Variants in AGBL4 observed in about 807,000 individuals in gnomAD.
The protein encoded by AGBL4 is cytosolic carboxypeptidase 6.
AGBL4 carries 58 observed loss-of-function variants against 66.4 expected under a neutral mutation model. The observed-to-expected ratio is 0.87, with a 90% CI of 0.71 to 1.09. The LOEUF is 1.09. Among genes scored for constraint, AGBL4 ranks in the 50% least tolerant of loss-of-function variants. The pLI, the probability that AGBL4 is intolerant of heterozygous loss-of-function variation, is 0.00. For missense variants in AGBL4, 579 were observed against 631.0 expected, an observed-to-expected ratio of 0.92 and a Z score of 0.88; for synonymous variants, 234 against 222.9, an observed-to-expected ratio of 1.05 and a Z score of -0.44.
At chr1:49,700,619 G>A (rs1011346600) in intron 2 of AGBL4, among the ~76,000 whole-genome samples, 1 of 151,938 alleles carries the variant, frequency 6.6e-6, no homozygotes, top group African/African-American at 2.4e-5. Flanking sequence ...CGTCCATAAA[G>A]CAAGTCCCAA....
chr1:49,003,181 T>C (rs1661521362), intron 5 of AGBL4, among the ~76,000 whole-genome samples: 1 of 152,184 alleles, frequency 6.6e-6, no homozygotes, highest in Admixed American at 6.5e-5. Flanking sequence ...GTGGATCGCC[T>C]GACGTCAAGG....
intron 4 of AGBL4, among the ~76,000 whole-genome samples, chr1:49,056,772 G>T (rs555348634): frequency 6.6e-6 from 1 of 152,194 alleles, no homozygotes; most frequent in East Asian, 1.9e-4. Context: ...AGCTGTGGAG[G>T]GGGTAAAAAG....
At chr1:49,675,382 C>T (rs1646559546) in intron 3 of AGBL4, among the ~76,000 whole-genome samples, 1 of 151,756 alleles carries the variant, frequency 6.6e-6, no homozygotes, top group Non-Finnish European at 1.5e-5. Flanking sequence ...TACACATGAA[C>T]ATACAGAGGG....
chr1:49,072,338 C>T (rs565296016), intron 4 of AGBL4, among the ~76,000 whole-genome samples: 9 of 152,122 alleles, frequency 5.9e-5, no homozygotes, highest in Admixed American at 3.3e-4. Flanking sequence ...TTCATAGCAT[C>T]GATGGTCTTT....
At chr1:49,818,645 C>T (rs925837276) in intron 2 of AGBL4, among the ~76,000 whole-genome samples, 2 of 151,948 alleles carry the variant, frequency 1.3e-5, no homozygotes, top group Admixed American at 1.3e-4. Flanking sequence ...GCGATAATCA[C>T]ATTACTCAGG....
At chr1:49,810,310 G>A (rs892936020) in intron 2 of AGBL4, among the ~76,000 whole-genome samples, 1 of 152,024 alleles carries the variant, frequency 6.6e-6, no homozygotes, top group African/African-American at 2.4e-5. Flanking sequence ...AAAAAGAGGA[G>A]TAAGAAATAA....
At chr1:48,689,474 T>C (rs551196325) in intron 6 of AGBL4, among the ~76,000 whole-genome samples, 1 of 144,946 alleles carries the variant, frequency 6.9e-6, no homozygotes, top group East Asian at 2.3e-4. Flanking sequence ...CCTTCCTTCT[T>C]TCCTCCCTTC....
At chr1:49,487,235 G>C (rs2148736439) in intron 3 of AGBL4, among the ~76,000 whole-genome samples, 1 of 152,008 alleles carries the variant, frequency 6.6e-6, no homozygotes, top group Admixed American at 6.6e-5. Flanking sequence ...TAAGTAACAT[G>C]CAACAGCTAA....
Position 49,511,373 on chromosome 1 carries a change from C to A in AGBL4, c.282+185940G>T, listed in dbSNP as rs570969843. 5.5e-5 allele frequency among the ~76,000 whole-genome samples: 8 copies of A among 146,500 alleles called. No individual in the cohort carries two copies. The East Asian group carries it at 1.4e-3, about 26-fold the overall frequency. Reference sequence around the variant, plus strand: ...CGCAAGAACAAAAAACCAAACACTACATATTCTCACTCATAGGTGGGAATT... The same window carrying A: ...CGCAAGAACAAAAAACCAAACACTAAATATTCTCACTCATAGGTGGGAATT... On this transcript the variant is annotated intron_variant, in intron 3 of 13. Transcript: ENST00000371839.
chr1:49,090,377 A>G (rs1644981525), intron 4 of AGBL4, among the ~76,000 whole-genome samples: 1 of 152,218 alleles, frequency 6.6e-6, no homozygotes, highest in South Asian at 2.1e-4. Flanking sequence ...CTGACAAACA[A>G]CTTTAGCAAA....
intron 3 of AGBL4, among the ~76,000 whole-genome samples, chr1:49,493,354 G>A (rs1275235585): frequency 1.3e-5 from 2 of 151,866 alleles, no homozygotes; most frequent in East Asian, 3.9e-4. Context: ...TAAGCAACAG[G>A]CTTTATACTA....
At chr1:49,571,397 A>G (rs1049501921) in intron 3 of AGBL4, among the ~76,000 whole-genome samples, 1 of 152,020 alleles carries the variant, frequency 6.6e-6, no homozygotes, top group Non-Finnish European at 1.5e-5. Flanking sequence ...GTGTATAGAA[A>G]TGCTACTTCT....
In AGBL4 at chr1:48,533,035, C is replaced by CACAA. The variant is rs113596706; in HGVS notation, c.*1137_*1138insTTGT. 0.013 allele frequency: 1,988 copies of CACAA among 150,958 alleles called. 43 individuals are homozygous for CACAA. The highest frequency in any genetic ancestry group is 0.046 in the African/African-American group (1,878 of 41,230). The allele number at this position is 150,958 out of a possible 1,614,324, so 9.4% of individuals were successfully genotyped here. A position where few individuals can be genotyped will look rare whatever the true frequency, so the allele number is the denominator to read the frequency against. On this transcript the variant is annotated 3_prime_UTR_variant, in exon 14 of 14. Transcript: ENST00000371839. ...TGTAGCAAACTTCAATAATCTCCAACTCAAACAAACAAACAAACAAACAAA... is the reference window on the plus strand; with the variant it reads ...TGTAGCAAACTTCAATAATCTCCAACACAATCAAACAAACAAACAAACAAACAAA...
intron 1 of AGBL4, among the ~76,000 whole-genome samples, chr1:49,888,007 T>A (rs1648248140): frequency 6.6e-6 from 1 of 151,996 alleles, no homozygotes; most frequent in African/African-American, 2.4e-5. Context: ...TTAGAAAAAA[T>A]AAGTGTTTGT....
intron 4 of AGBL4, among the ~76,000 whole-genome samples, chr1:49,222,046 GA>G (rs1649538252): frequency 2.0e-5 from 3 of 152,186 alleles, no homozygotes; most frequent in Non-Finnish European, 4.4e-5. Context: ...TTAATTGCAA[GA>G]ACCATTCTAT....
intron 2 of AGBL4, among the ~76,000 whole-genome samples, chr1:49,751,504 C>T (rs971908472): frequency 2.6e-5 from 4 of 152,038 alleles, no homozygotes; most frequent in Non-Finnish European, 2.9e-5. Flanking sequence ...TGAGGATTTT[C>T]GCATAGAGAT....
At chr1:49,839,245 C>G (rs1314189442) in intron 2 of AGBL4, among the ~76,000 whole-genome samples, 1 of 152,026 alleles carries the variant, frequency 6.6e-6, no homozygotes, top group African/African-American at 2.4e-5. Flanking sequence ...CAAATTAAAA[C>G]TATATTATAA....
intron 5 of AGBL4, among the ~76,000 whole-genome samples, chr1:48,968,419 AG>A (rs1658628933): frequency 6.6e-6 from 1 of 152,172 alleles, no homozygotes; most frequent in African/African-American, 2.4e-5. Context: ...TGTGGGGCAT[AG>A]ACTGCAGAGG....
intron 11 of AGBL4, among the ~76,000 whole-genome samples, chr1:48,547,838 C>A (rs1055089612): frequency 6.6e-6 from 1 of 152,102 alleles, no homozygotes; most frequent in Non-Finnish European, 1.5e-5. Flanking sequence ...AATCAAGAGA[C>A]CAATGTGGTT....
Sources: gnomAD v4.1 joint callset for allele counts (sites outside exome capture counted in the v4.1 genomes callset) on GRCh38, gnomAD v4.1.1 for gene constraint, MANE v1.5 for transcripts, NCBI Gene and HGNC (gene_info 2026-07-23, HGNC 2026-07-21) for gene names.